Variants in INPP4B observed in about 807,000 individuals in gnomAD.
INPP4B encodes the protein inositol polyphosphate 4-phosphatase type II.
INPP4B carries 55 observed loss-of-function variants against 122.5 expected under a neutral mutation model. The observed-to-expected ratio is 0.45, with a 90% CI of 0.36 to 0.56. The LOEUF is 0.56. Ranked by LOEUF, INPP4B falls within the 20% of genes least tolerant of loss-of-function variation. The pLI is 0.00. For missense variants in INPP4B, 1,000 were observed against 1,097.7 expected (o/e 0.91, Z 1.26); for synonymous variants, 403 against 388.7 (o/e 1.04, Z -0.43).
At chr4:142,073,408 C>A (rs1768695493) in intron 25 of INPP4B, among the ~76,000 whole-genome samples, 1 of 152,074 alleles carries the variant, frequency 6.6e-6, no homozygotes, top group African/African-American at 2.4e-5. Context: ...AGTTGCCTCC[C>A]AGTTCAGTTT....
At chr4:142,252,872 G>C (rs1733074127) in intron 11 of INPP4B, among the ~76,000 whole-genome samples, 1 of 152,170 alleles carries the variant, frequency 6.6e-6, no homozygotes, top group Admixed American at 6.5e-5. Context: ...TAGTCGTGTA[G>C]TTTAACAAGG....
chr4:142,342,657 CAG>C (rs1374211677), intron 7 of INPP4B, among the ~76,000 whole-genome samples: 1 of 152,102 alleles, frequency 6.6e-6, no homozygotes, highest in African/African-American at 2.4e-5. Context: ...ATTAAAATAA[CAG>C]AGAACTATCA....
At chr4:142,421,551 A>C (rs1436868161) in intron 5 of INPP4B, among the ~76,000 whole-genome samples, 1 of 152,180 alleles carries the variant, frequency 6.6e-6, no homozygotes, top group Non-Finnish European at 1.5e-5. Context: ...ACATGCAACA[A>C]TTATAGAATA....
At chr4:142,445,351 T>G (rs938694307) in intron 3 of INPP4B, among the ~76,000 whole-genome samples, 1 of 151,696 alleles carries the variant, frequency 6.6e-6, no homozygotes, top group Admixed American at 6.6e-5. Flanking sequence ...TTTGAACAGA[T>G]AATGACTGAA....
chr4:142,791,616 T>C (rs1053540418), intron 1 of INPP4B, among the ~76,000 whole-genome samples: 1 of 152,130 alleles, frequency 6.6e-6, no homozygotes, highest in African/African-American at 2.4e-5. Context: ...TGATTTAGCT[T>C]CAGTTCAGTG....
intron 9 of INPP4B, among the ~76,000 whole-genome samples, chr4:142,298,948 A>G (rs1421592330): frequency 2.6e-5 from 4 of 151,954 alleles, no homozygotes; most frequent in Non-Finnish European, 4.4e-5. Context: ...TTCTTAACCC[A>G]TCATAAACTC....
intron 1 of INPP4B, among the ~76,000 whole-genome samples, chr4:142,833,342 A>G (rs58691249): frequency 0.1 from 15,244 of 152,102 alleles, 2,517 homozygotes; most frequent in African/African-American, 0.34. Context: ...AGCTAAATAA[A>G]AGTAAATATT....
intron 11 of INPP4B, among the ~76,000 whole-genome samples, chr4:142,247,752 C>T (rs1729638995): frequency 6.6e-6 from 1 of 152,046 alleles, no homozygotes; most frequent in South Asian, 2.1e-4. Context: ...CTCCTGGATT[C>T]ACTGACTTTT....
intron 3 of INPP4B, 66 bp from the exon 4 acceptor site, chr4:142,431,451 G>T (rs998181098): frequency 5.2e-6 from 3 of 574,744 alleles, no homozygotes; most frequent in Non-Finnish European, 9.3e-6. Context: ...AAAAGTAAAG[G>T]TAAGTAGAGA....
At chr4:142,135,746 T>C (rs146434006) in intron 18 of INPP4B, among the ~76,000 whole-genome samples, 1 of 151,992 alleles carries the variant, frequency 6.6e-6, no homozygotes, top group Non-Finnish European at 1.5e-5. Context: ...CCTTCAGTGG[T>C]GTTGCTCCAG....
Position 142,128,380 on chromosome 4 carries a change from T to C in INPP4B, c.1721-3620A>G, listed in dbSNP as rs3775646. 6.3e-3 allele frequency among the ~76,000 whole-genome samples: 658 copies of C among 103,882 alleles called. 10 individuals are homozygous for C. The highest frequency in any genetic ancestry group is 0.026 in the African/African-American group (624 of 24,280). 68.2% of individuals were successfully genotyped at this position (103,882 alleles called of 152,430 possible). A position where few individuals can be genotyped will look rare whatever the true frequency, so the allele number is the denominator to read the frequency against. On this transcript the variant is annotated intron_variant, in intron 18 of 25. Transcript: ENST00000262992. ...ACACACACACACACACACACACACATACACACACATACCTTTTTTATAAAC... is the reference window on the plus strand; with the variant it reads ...ACACACACACACACACACACACACACACACACACATACCTTTTTTATAAAC...
intron 15 of INPP4B, among the ~76,000 whole-genome samples, chr4:142,190,795 A>G (rs1303284639): frequency 6.6e-6 from 1 of 151,894 alleles, no homozygotes; most frequent in Non-Finnish European, 1.5e-5. Flanking sequence ...AAGAAAAATG[A>G]AGGAAAATAT....
chr4:142,380,760 CATATA>C (rs1793821984), intron 7 of INPP4B, among the ~76,000 whole-genome samples: 2 of 152,026 alleles, frequency 1.3e-5, no homozygotes, highest in Non-Finnish European at 2.9e-5. Context: ...ATAATAGTCA[CATATA>C]ATATATATCA....
In INPP4B at chr4:142,245,947, T is replaced by C. The variant is rs1292496292; in HGVS notation, c.689-7936A>G. 2.3e-4 allele frequency among the ~76,000 whole-genome samples: 6 copies of C among 25,762 alleles called. 1 individual carries two copies. Among genetic ancestry groups the C allele is most frequent in the African/African-American group, 4.9e-4 (6 of 12,360 alleles). The allele number at this position is 25,762 out of a possible 152,430, so 16.9% of individuals were successfully genotyped here. A position where few individuals can be genotyped will look rare whatever the true frequency, so the allele number is the denominator to read the frequency against. On this transcript the variant is annotated intron_variant, in intron 11 of 25. Coordinates refer to ENST00000262992, the MANE Select transcript of INPP4B (RefSeq NM_001101669.3). ...GTATGTATACATATATGTGTATGTA[T>C]ACATATATATGTGTATGTATACACA... is the stretch of plus-strand genomic sequence containing the variant.
intron 18 of INPP4B, among the ~76,000 whole-genome samples, chr4:142,133,870 C>CT (rs916560407): frequency 1.3e-5 from 2 of 152,198 alleles, no homozygotes; most frequent in Non-Finnish European, 2.9e-5. Context: ...CAAGCATCAG[C>CT]TTTTAAATGA....
intron 7 of INPP4B, among the ~76,000 whole-genome samples, chr4:142,363,142 A>G (rs1240750811): frequency 2.6e-5 from 4 of 152,088 alleles, no homozygotes; most frequent in Admixed American, 1.3e-4. Context: ...AGTTAGAGCT[A>G]AGAATCAAGT....
chr4:142,754,461 G>A (rs762004706), intron 1 of INPP4B, among the ~76,000 whole-genome samples: 6 of 151,828 alleles, frequency 4.0e-5, no homozygotes, highest in Non-Finnish European at 7.4e-5. Context: ...CCCTGCCTAC[G>A]CCAATATTCA....
chr4:142,498,853 A>C (rs1208986999), intron 2 of INPP4B, among the ~76,000 whole-genome samples: 1 of 152,178 alleles, frequency 6.6e-6, no homozygotes, highest in Non-Finnish European at 1.5e-5. Context: ...TAATTGATTA[A>C]AAAATTAAAA....
intron 7 of INPP4B, among the ~76,000 whole-genome samples, chr4:142,364,036 T>C (rs572502054): frequency 1.3e-5 from 2 of 152,020 alleles, no homozygotes; most frequent in African/African-American, 2.4e-5. Flanking sequence ...GTGGGAAGAT[T>C]CTAGAAAAGC....
Sources: allele counts gnomAD v4.1 joint callset (sites outside exome capture counted in the v4.1 genomes callset), GRCh38; gene constraint gnomAD v4.1.1; transcripts MANE v1.5; gene names NCBI Gene and HGNC (gene_info 2026-07-23, HGNC 2026-07-21).